LRRTM4: variants seen among roughly 807,000 people sequenced by gnomAD.
The protein encoded by LRRTM4 is leucine rich repeat transmembrane neuronal 4, also known as leucine-rich repeat transmembrane neuronal protein 4.
In LRRTM4, 25 loss-of-function variants were observed where a neutral mutation model predicts 47.6. That is an observed-to-expected ratio of 0.53 (90% CI 0.38 to 0.73). LRRTM4 has a LOEUF of 0.73. Among genes scored for constraint, LRRTM4 ranks in the 30% least tolerant of loss-of-function variants. LRRTM4 has a pLI of 0.00. For synonymous variants in LRRTM4, 311 were observed against 269.5 expected (o/e 1.15, Z -1.51); for missense variants, 638 against 713.4 (o/e 0.89, Z 1.20).
chr2:77,448,800 G>A (rs558032212), intron 3 of LRRTM4, among the ~76,000 whole-genome samples: 95 of 152,090 alleles, frequency 6.2e-4, no homozygotes, highest in Non-Finnish European at 1.1e-3. Context: ...TTGTTTCCGC[G>A]TGTACCTAAC....
intron 3 of LRRTM4, among the ~76,000 whole-genome samples, chr2:76,961,038 T>C (rs1675840656): frequency 6.6e-6 from 1 of 151,586 alleles, no homozygotes; most frequent in African/African-American, 2.4e-5. Context: ...GTTTTATTTT[T>C]AATTTTTCTA....
chr2:77,242,830 A>C (rs1675307393), intron 3 of LRRTM4, among the ~76,000 whole-genome samples: 1 of 152,184 alleles, frequency 6.6e-6, no homozygotes, highest in African/African-American at 2.4e-5. Context: ...CAAAAATTTG[A>C]AAGTAGAATT....
At chr2:77,028,329 T>G (rs1678525571) in intron 3 of LRRTM4, among the ~76,000 whole-genome samples, 1 of 152,186 alleles carries the variant, frequency 6.6e-6, no homozygotes, top group African/African-American at 2.4e-5. Context: ...GGAAATCAAG[T>G]GTCAGAAACC....
intron 3 of LRRTM4, among the ~76,000 whole-genome samples, chr2:77,196,091 T>C (rs565926676): frequency 3.0e-4 from 45 of 152,280 alleles, no homozygotes; most frequent in African/African-American, 8.9e-4. Flanking sequence ...TATTAGTACA[T>C]TAGAAATAAT....
At chr2:76,913,827 C>T (rs879643020) in intron 3 of LRRTM4, among the ~76,000 whole-genome samples, 1 of 151,980 alleles carries the variant, frequency 6.6e-6, no homozygotes, top group Non-Finnish European at 1.5e-5. Flanking sequence ...GCGTGAACCA[C>T]CATGCCCAGC....
intron 3 of LRRTM4, among the ~76,000 whole-genome samples, chr2:77,043,569 AT>A (rs1679110955): frequency 6.6e-6 from 1 of 151,870 alleles, no homozygotes; most frequent in East Asian, 1.9e-4. Flanking sequence ...ATAATCAACA[AT>A]GACACTGCAA....
At chr2:77,100,204 G>A (rs1383136475) in intron 3 of LRRTM4, among the ~76,000 whole-genome samples, 1 of 151,948 alleles carries the variant, frequency 6.6e-6, no homozygotes, top group African/African-American at 2.4e-5. Context: ...CATTTTTTCA[G>A]GAATTTAAAC....
At chr2:76,895,477 C>A (rs1435368726) in intron 3 of LRRTM4, among the ~76,000 whole-genome samples, 6 of 152,114 alleles carry the variant, frequency 3.9e-5, no homozygotes, top group African/African-American at 1.4e-4. Context: ...ATCATTCATC[C>A]TCTACACCAA....
intron 3 of LRRTM4, among the ~76,000 whole-genome samples, chr2:76,859,945 A>G (rs1672262790): frequency 6.6e-6 from 1 of 152,142 alleles, no homozygotes; most frequent in African/African-American, 2.4e-5. Context: ...CTGTAACAGA[A>G]TTATAGCCCC....
At chr2:77,331,582 A>G (rs1445366519) in intron 3 of LRRTM4, among the ~76,000 whole-genome samples, 1 of 152,212 alleles carries the variant, frequency 6.6e-6, no homozygotes, top group South Asian at 2.1e-4. Context: ...AAAATAGTGA[A>G]GTTCCATGAA....
intron 3 of LRRTM4, among the ~76,000 whole-genome samples, chr2:77,292,438 G>A (rs1676851909): frequency 6.6e-6 from 1 of 151,802 alleles, no homozygotes; most frequent in South Asian, 2.1e-4. Context: ...CAAAGACTTG[G>A]AACCAACCCA....
intron 3 of LRRTM4, among the ~76,000 whole-genome samples, chr2:77,475,308 C>A (rs535721640): frequency 6.6e-6 from 1 of 151,942 alleles, no homozygotes; most frequent in Admixed American, 6.6e-5. Flanking sequence ...AGTTTAGGGG[C>A]GTATTTTTCC....
At chr2:77,322,025 C>T (rs1241087958) in intron 3 of LRRTM4, among the ~76,000 whole-genome samples, 1 of 152,010 alleles carries the variant, frequency 6.6e-6, no homozygotes, top group Non-Finnish European at 1.5e-5. Flanking sequence ...AAGGTTTTTA[C>T]TTTTTTCTTC....
chr2:77,334,197 A>T (rs1296821980), intron 3 of LRRTM4, among the ~76,000 whole-genome samples: 3 of 152,120 alleles, frequency 2.0e-5, no homozygotes, highest in Admixed American at 1.3e-4. Flanking sequence ...GCCTTGTCTC[A>T]GATGAGATGT....
chr2:76,807,466 A>AGGCAAAGT, intron 3 of LRRTM4, among the ~76,000 whole-genome samples: 2 of 92,908 alleles, frequency 2.2e-5, no homozygotes, highest in African/African-American at 1.2e-4. Flanking sequence ...ATACATATAT[A>AGGCAAAGT]TATACATATA....
chr2:77,351,247 G>C (rs1671759060), intron 3 of LRRTM4, among the ~76,000 whole-genome samples: 1 of 151,246 alleles, frequency 6.6e-6, no homozygotes, highest in African/African-American at 2.4e-5. Context: ...AACACACATT[G>C]ATATAGCTCA....
At chr2:77,229,285 C>T (rs377728880) in intron 3 of LRRTM4, among the ~76,000 whole-genome samples, 134 of 152,108 alleles carry the variant, frequency 8.8e-4, no homozygotes, top group African/African-American at 3.2e-3. Context: ...CAGGTATCAC[C>T]TGTAATCACT....
intron 3 of LRRTM4, among the ~76,000 whole-genome samples, chr2:77,195,132 T>C (rs887595446): frequency 1.3e-5 from 2 of 151,980 alleles, no homozygotes; most frequent in Admixed American, 6.6e-5. Flanking sequence ...GTATTTACTA[T>C]ATAAGAATCC....
rs529116792 is a variant in LRRTM4 at position 77,509,895 on chromosome 2, C to T, written c.1551+8423G>A. Among the ~76,000 whole-genome samples the T allele has an allele frequency of 4.6e-5, 7 of 152,212 alleles. 1 individual carries two copies. Among genetic ancestry groups the T allele is most frequent in the African/African-American group, 1.4e-4 (6 of 41,538 alleles). On this transcript the variant is annotated intron_variant, in intron 3 of 3. Transcript: ENST00000409884. ...CCTCTTTTTCACCCCTTGATCTAAC[C>T]ACTGGACCAAGGCAGTATTTGTCCA...
Sources: allele counts gnomAD v4.1 joint callset (sites outside exome capture counted in the v4.1 genomes callset), GRCh38; gene constraint gnomAD v4.1.1; transcripts MANE v1.5; gene names NCBI Gene and HGNC (gene_info 2026-07-23, HGNC 2026-07-21).